GNAI1: variants seen among roughly 807,000 people sequenced by gnomAD.
The protein encoded by GNAI1 is G protein subunit alpha i1.
In GNAI1, 11 loss-of-function variants were observed where a neutral mutation model predicts 38.9. That is an observed-to-expected ratio of 0.28 (90% confidence interval 0.18 to 0.47). The LOEUF is 0.47. Among genes scored for constraint, GNAI1 ranks in the 20% least tolerant of loss-of-function variants. The pLI is 0.99. For missense variants in GNAI1, 317 were observed against 436.9 expected (o/e 0.73, Z 2.45); for synonymous variants, 166 against 145.1 (o/e 1.14, Z -1.04).
chr7:80,166,425 C>G (rs1350680427), intron 1 of GNAI1, among the ~76,000 whole-genome samples: 1 of 152,008 alleles, frequency 6.6e-6, no homozygotes, highest in Admixed American at 6.6e-5. Context: ...TTAGATTGTT[C>G]TCATTTTAGC....
intron 4 of GNAI1, among the ~76,000 whole-genome samples, chr7:80,200,398 C>CA (rs1011060176): frequency 8.0e-4 from 91 of 114,002 alleles, no homozygotes; most frequent in Middle Eastern, 4.9e-3. Context: ...AACACCAAAA[C>CA]AAAAAAAAAA....
chr7:80,173,524 G>C (rs1562831644), intron 1 of GNAI1, among the ~76,000 whole-genome samples: 1 of 152,220 alleles, frequency 6.6e-6, no homozygotes, highest in Non-Finnish European at 1.5e-5. Flanking sequence ...CACTTATATA[G>C]TGTTCAGATA....
intron 1 of GNAI1, among the ~76,000 whole-genome samples, chr7:80,158,391 G>A (rs2116120607): frequency 6.6e-6 from 1 of 152,310 alleles, no homozygotes; most frequent in Admixed American, 6.5e-5. Context: ...GTTTGGCTGA[G>A]TCCCTACCCA....
chr7:80,143,050 T>C (rs1229005251), intron 1 of GNAI1, among the ~76,000 whole-genome samples: 1 of 152,218 alleles, frequency 6.6e-6, no homozygotes, highest in Admixed American at 6.5e-5. Flanking sequence ...AACCTCAGCT[T>C]TCAGGAGCCA....
Position 80,136,120 on chromosome 7 carries a change from A to G in GNAI1, c.118+842A>G, listed in dbSNP as rs970445072. The G allele has an allele frequency of 1.1e-5, 9 of 835,242 alleles. No individual in the cohort carries two copies. In the African/African-American group the frequency reaches 1.5e-4, roughly 14 times the overall value. 51.7% of individuals were successfully genotyped at this position (835,242 alleles called of 1,614,324 possible). A position where few individuals can be genotyped will look rare whatever the true frequency, so the allele number is the denominator to read the frequency against. Reference sequence around the variant, plus strand: ...TTCTTAGCACTGTTCTGTTCGTGAAACGCTACGTGGAGGTCTTTTCCAAAT... The same window carrying G: ...TTCTTAGCACTGTTCTGTTCGTGAAGCGCTACGTGGAGGTCTTTTCCAAAT... On this transcript the variant is annotated intron_variant, in intron 1 of 7. Coordinates refer to ENST00000649796, the MANE Select transcript of GNAI1 (RefSeq NM_002069.6).
At chr7:80,163,278 A>G (rs754905170) in intron 1 of GNAI1, among the ~76,000 whole-genome samples, 10 of 152,188 alleles carry the variant, frequency 6.6e-5, no homozygotes, top group African/African-American at 9.7e-5. Context: ...TCTTTATCCT[A>G]CACCTCAGCA....
intron 1 of GNAI1, chr7:80,135,830 C>T: frequency 4.1e-6 from 4 of 985,262 alleles, no homozygotes; most frequent in Non-Finnish European, 4.8e-6. Context: ...ATGGCGACTC[C>T]TTAAGTGGTC....
chr7:80,191,186 C>T (rs934858669), intron 3 of GNAI1, among the ~76,000 whole-genome samples: 4 of 151,956 alleles, frequency 2.6e-5, no homozygotes, highest in South Asian at 4.2e-4. Context: ...TGGTCTACTC[C>T]GTGTTTTGTG....
chr7:80,165,336 A>G (rs1787995222), intron 1 of GNAI1, among the ~76,000 whole-genome samples: 1 of 152,172 alleles, frequency 6.6e-6, no homozygotes, highest in African/African-American at 2.4e-5. Flanking sequence ...ATCTCACTCC[A>G]CAGCTAGAGA....
intron 1 of GNAI1, among the ~76,000 whole-genome samples, chr7:80,137,293 CTTTTTTTTTTTTTCTTTTCTTTTCTT>C (rs1787433766): frequency 4.2e-5 from 4 of 95,262 alleles, no homozygotes; most frequent in Non-Finnish European, 7.8e-5. Context: ...TTTCTTTTTT[CTTTTTTTTTTTTTCTTTTCTTTTCTT>C]TTTTTTTTTT....
At chr7:80,144,447 G>T (rs1787582589) in intron 1 of GNAI1, among the ~76,000 whole-genome samples, 1 of 152,148 alleles carries the variant, frequency 6.6e-6, no homozygotes, top group Middle Eastern at 3.4e-3. Flanking sequence ...TAAAAGTGGT[G>T]GTAACCTTAA....
intron 4 of GNAI1, among the ~76,000 whole-genome samples, chr7:80,200,566 A>G (rs939154302): frequency 4.6e-5 from 7 of 152,090 alleles, no homozygotes; most frequent in Non-Finnish European, 7.3e-5. Context: ...ACAAATTTTG[A>G]AAGGTCTAGG....
chr7:80,193,106 C>T (rs1217585922), intron 3 of GNAI1, among the ~76,000 whole-genome samples: 3 of 151,920 alleles, frequency 2.0e-5, no homozygotes, highest in Admixed American at 1.3e-4. Flanking sequence ...TTAGTTGGCA[C>T]CTGGTAGAGT....
intron 7 of GNAI1, among the ~76,000 whole-genome samples, chr7:80,215,974 AGAAT>A (rs1788961410): frequency 1.3e-5 from 2 of 152,266 alleles, no homozygotes; most frequent in Admixed American, 1.3e-4. Context: ...AGAGGATCTC[AGAAT>A]GATGGCACTG....
At chr7:80,181,394 G>T (rs989901276) in intron 1 of GNAI1, among the ~76,000 whole-genome samples, 1 of 152,060 alleles carries the variant, frequency 6.6e-6, no homozygotes, top group African/African-American at 2.4e-5. Context: ...TCAAACATAT[G>T]GTGTGATTAG....
intron 1 of GNAI1, among the ~76,000 whole-genome samples, chr7:80,177,718 A>G (rs1048337082): frequency 1.3e-5 from 2 of 152,144 alleles, no homozygotes; most frequent in African/African-American, 2.4e-5. Context: ...GCCTGAAGCT[A>G]TTCTCCTGAC....
Position 80,222,634 on chromosome 7 carries a change from A to G in GNAI1, c.*5141A>G, listed in dbSNP as rs10257973. Among the ~76,000 whole-genome samples, 137,983 of 151,976 alleles carry G rather than the reference A, an allele frequency of 0.91. 62,914 individuals are homozygous for G. The highest frequency in any genetic ancestry group is 1 in the East Asian group (5,137 of 5,148). On this transcript the variant is annotated 3_prime_UTR_variant, in exon 8 of 8. Transcript: ENST00000649796. Reference sequence around the variant, plus strand: ...ACTCCTGACCTCAGGTAATCCGCCCACCTCGGCCGCCCAAAGTGCTGGGAT... The same window carrying G: ...ACTCCTGACCTCAGGTAATCCGCCCGCCTCGGCCGCCCAAAGTGCTGGGAT...
rs1295540203 is a variant in GNAI1 at position 80,217,400 on chromosome 7, A to C, written c.972A>C (p.Thr324=). ...KDTKEIYTHF[T]CATDTKNVQF... Reference sequence around the variant, plus strand: ...CAAAGGAAATATACACCCACTTCACATGTGCCACAGATACTAAGAATGTGC... The same window carrying C: ...CAAAGGAAATATACACCCACTTCACCTGTGCCACAGATACTAAGAATGTGC... Residue 324 remains threonine (T), a synonymous_variant, in exon 8 of 8, where the codon ACA becomes ACC. Transcript: ENST00000649796. The C allele has an allele frequency of 1.2e-6, 2 of 1,606,830 alleles. No individual in the cohort carries two copies. The highest frequency in any genetic ancestry group is 8.5e-7 in the Non-Finnish European group (1 of 1,174,356).
intron 3 of GNAI1, among the ~76,000 whole-genome samples, chr7:80,189,622 A>G (rs1788445973): frequency 6.6e-6 from 1 of 152,208 alleles, no homozygotes; most frequent in South Asian, 2.1e-4. Context: ...ATTTGTATTC[A>G]TGCCTAGACT....
Sources: allele counts gnomAD v4.1 joint callset (sites outside exome capture counted in the v4.1 genomes callset), GRCh38; gene constraint gnomAD v4.1.1; transcripts MANE v1.5; gene names NCBI Gene and HGNC (gene_info 2026-07-23, HGNC 2026-07-21).